ASH1L: variants seen among roughly 807,000 people sequenced by gnomAD.
ASH1L encodes ASH1 like histone lysine methyltransferase.
In ASH1L, 23 loss-of-function variants were observed where a neutral mutation model predicts 269.0. That is an observed-to-expected ratio of 0.09 (90% CI 0.06 to 0.12). The LOEUF (loss-of-function observed/expected upper bound fraction) is 0.12. Ranked by LOEUF, ASH1L falls within the 10% of genes least tolerant of loss-of-function variation. The pLI is 1.00. For missense variants in ASH1L, 2,912 were observed against 3,567.8 expected (o/e 0.82, Z 4.68); for synonymous variants, 1,187 against 1,253.5 (o/e 0.95, Z 1.12).
At position 155,438,433 on chromosome 1, in the gene ASH1L, G is replaced by A. The variant is rs774474607; in HGVS notation, c.5722C>T (p.Pro1908Ser). 6.2e-7 allele frequency: 1 copy of A among 1,613,038 alleles called. No individual in the cohort carries two copies. Among genetic ancestry groups the A allele is most frequent in the Non-Finnish European group, 8.5e-7 (1 of 1,179,776 alleles). ...EAVVQSVNLNPEHKKGLKRKG... is the reference protein window; with the variant it reads ...EAVVQSVNLNSEHKKGLKRKG... ...CTCTTCAACCCCTTTTTATGTTCTG[G>A]GTTCAGATTTACACTCTGAACAACA... Residue 1908 changes from proline (P) to serine (S), a missense_variant, in exon 5 of 28, where the codon CCA (proline) becomes TCA (serine). Pro to Ser is a moderately conservative substitution (Grantham distance 74). Transcript: ENST00000392403.
chr1:155,506,420 G>A (rs2148807664), intron 2 of ASH1L, among the ~76,000 whole-genome samples: 1 of 152,268 alleles, frequency 6.6e-6, no homozygotes, highest in African/African-American at 2.4e-5. Context: ...CATTAGGCTG[G>A]GCACGGTGGC....
Position 155,336,679 on chromosome 1 carries a change from G to A in ASH1L, c.*981C>T, listed in dbSNP as rs1480972149. The A allele has an allele frequency of 6.6e-6, 1 of 152,448 alleles. No homozygotes were observed. Among genetic ancestry groups the A allele is most frequent in the East Asian group, 1.9e-4 (1 of 5,320 alleles). The allele number at this position is 152,448 out of a possible 1,614,324, so 9.4% of individuals were successfully genotyped here. A position where few individuals can be genotyped will look rare whatever the true frequency, so the allele number is the denominator to read the frequency against. On this transcript the variant is annotated 3_prime_UTR_variant, in exon 28 of 28. Transcript: ENST00000392403. ...CTTTAAGAAAGGGACATTGAAAACT[G>A]TACAATTAAGAAAACAAGAGTAGTG...
intron 2 of ASH1L, among the ~76,000 whole-genome samples, chr1:155,484,224 C>T (rs1666144903): frequency 6.6e-6 from 1 of 152,236 alleles, no homozygotes; most frequent in African/African-American, 2.4e-5. Flanking sequence ...CATGGTGGCT[C>T]ACGCCTGTAA....
chr1:155,407,255 T>G (rs1222165988), intron 6 of ASH1L, among the ~76,000 whole-genome samples: 1 of 152,178 alleles, frequency 6.6e-6, no homozygotes, highest in Non-Finnish European at 1.5e-5. Flanking sequence ...TCCTCACCTA[T>G]TAGATTAATA....
Position 155,562,335 on chromosome 1 carries a change from G to A in ASH1L, c.-282C>T, listed in dbSNP as rs1672051309. ...AGAGAGGAGAAGGGAAAGGTGGAAG[G>A]CTAAAGGGGGCAAACTGAGGGGAGG... On this transcript the variant is annotated 5_prime_UTR_variant, in exon 1 of 28. Coordinates refer to ENST00000392403, the MANE Select transcript of ASH1L (RefSeq NM_018489.3). 2.6e-6 allele frequency: 4 copies of A among 1,560,348 alleles called. No individual in the cohort carries two copies. The highest frequency in any genetic ancestry group is 1.1e-5 in the South Asian group (1 of 88,488).
chr1:155,388,715 C>CTTTTTTTTTTTT (rs142537672), intron 7 of ASH1L, among the ~76,000 whole-genome samples: 1 of 131,690 alleles, frequency 7.6e-6, no homozygotes, highest in African/African-American at 3.0e-5. Context: ...AATTGCGATT[C>CTTTTTTTTTTTT]TTTTTTTTTT....
At chr1:155,559,163 G>A (rs1321897425) in intron 1 of ASH1L, among the ~76,000 whole-genome samples, 6 of 151,996 alleles carry the variant, frequency 3.9e-5, no homozygotes, top group Admixed American at 6.6e-5. Flanking sequence ...TTACATAAAC[G>A]CACTGTAGAA....
At chr1:155,504,142 G>C (rs1437989763) in intron 2 of ASH1L, among the ~76,000 whole-genome samples, 1 of 152,190 alleles carries the variant, frequency 6.6e-6, no homozygotes, top group Non-Finnish European at 1.5e-5. Context: ...TTTAGTTTGG[G>C]ATATGGAAAG....
intron 1 of ASH1L, among the ~76,000 whole-genome samples, chr1:155,551,988 GA>G (rs1045777673): frequency 7.3e-5 from 11 of 151,592 alleles, no homozygotes; most frequent in African/African-American, 2.4e-4. Context: ...AAAAGAAAAA[GA>G]ATCTTGCTTG....
intron 1 of ASH1L, among the ~76,000 whole-genome samples, chr1:155,548,529 A>G (rs989387506): frequency 6.6e-6 from 1 of 152,198 alleles, no homozygotes; most frequent in African/African-American, 2.4e-5. Context: ...TATCAAACAA[A>G]AGAGAGATAA....
intron 15 of ASH1L, among the ~76,000 whole-genome samples, 183 bp downstream of exon 15, chr1:155,357,133 T>TAAAA (rs1225525650): frequency 4.5e-5 from 1 of 22,446 alleles, no homozygotes; most frequent in African/African-American, 1.5e-4. Flanking sequence ...GGGTAAGACT[T>TAAAA]AAAAAAAAAA....
At chr1:155,409,049 G>C (rs903158085) in intron 6 of ASH1L, among the ~76,000 whole-genome samples, 1 of 151,818 alleles carries the variant, frequency 6.6e-6, no homozygotes, top group Non-Finnish European at 1.5e-5. Flanking sequence ...TTTTGAGACG[G>C]AGTCTTGCTC....
chr1:155,478,826 C>T lies in ASH1L; in HGVS notation c.4044G>A (p.Lys1348=). 5.0e-6 allele frequency: 8 copies of T among 1,613,890 alleles called. No individual in the cohort carries two copies. Among genetic ancestry groups the T allele is most frequent in the Non-Finnish European group, 6.8e-6 (8 of 1,179,946 alleles). Residue 1348 remains lysine, a synonymous_variant, in exon 3 of 28, where the codon AAG becomes AAA. Transcript: ENST00000392403. The surrounding 1 kb of genome is among the most constrained non-coding windows in gnomAD (Gnocchi z 4.6). ...LHYIRKPDLK[K]KRGRPPKMRE... ...TCATCTTAGGGGGTCTCCCTCTTTT[C>T]TTTTTTAAGTCAGGTTTTCGAATGT...
At position 155,527,835 on chromosome 1, in the gene ASH1L, C is replaced by T. The variant is rs373550992; in HGVS notation, c.-99-6217G>A. ...AGCTGGGATGACAGGCATGAGTCACCGTGCCCAGCTCTGGGACTCCTCTCT... is the reference window on the plus strand; with the variant it reads ...AGCTGGGATGACAGGCATGAGTCACTGTGCCCAGCTCTGGGACTCCTCTCT... On this transcript the variant is annotated intron_variant, in intron 1 of 27. Transcript: ENST00000392403. Among the ~76,000 whole-genome samples the T allele has an allele frequency of 6.6e-5, 10 of 152,174 alleles. No individual in the cohort carries two copies. The South Asian group carries it at 1.9e-3, about 28-fold the overall frequency.
In ASH1L at chr1:155,415,917, A is replaced by C; in HGVS notation, c.5835T>G (p.Asn1945Lys). Residue 1945 changes from asparagine (N) to lysine (K), a missense_variant, in exon 6 of 28, where the codon AAT becomes AAG. This residue lies in a region of ASH1L where 789 missense variants were observed against 897.6 expected (regional missense o/e 0.88). Transcript: ENST00000392403. ...GACTGGGAATCTCAACTGGTGCTTC[A>C]TTAAAGCTAGAAAGAGAAGTTTAAA... Reference protein sequence around the residue: ...EEEQENNKSFNEAPVEIPSPS... With the variant: ...EEEQENNKSFKEAPVEIPSPS... 6.5e-7 allele frequency: 1 copy of C among 1,543,746 alleles called. No homozygotes were observed. The highest frequency in any genetic ancestry group is 1.3e-5 in the South Asian group (1 of 78,374).
At chr1:155,548,207 C>G (rs952364622) in intron 1 of ASH1L, among the ~76,000 whole-genome samples, 7 of 152,100 alleles carry the variant, frequency 4.6e-5, no homozygotes, top group African/African-American at 1.7e-4. Flanking sequence ...GGACGAGTAA[C>G]TAACGCATGT....
intron 4 of ASH1L, among the ~76,000 whole-genome samples, chr1:155,444,023 A>C (rs1324147402): frequency 7.9e-6 from 1 of 125,794 alleles, no homozygotes; most frequent in Non-Finnish European, 1.5e-5. Flanking sequence ...TCGCTCTGTC[A>C]CTCAGGCTGG....
chr1:155,342,211 A>G (rs1001895243), intron 24 of ASH1L, 109 bp from the exon 25 acceptor site: 24 of 998,090 alleles, frequency 2.4e-5, no homozygotes, highest in Admixed American at 4.0e-5. Flanking sequence ...TTAAAACCCT[A>G]CATGGTAGCT....
At chr1:155,535,173 T>C (rs967806348) in intron 1 of ASH1L, among the ~76,000 whole-genome samples, 1 of 141,684 alleles carries the variant, frequency 7.1e-6, no homozygotes, top group African/African-American at 2.6e-5. Flanking sequence ...TGGGCAACAA[T>C]AGTAAAACTC....
Sources: gnomAD v4.1 joint callset for allele counts (sites outside exome capture counted in the v4.1 genomes callset) on GRCh38, gnomAD v4.1.1 for gene constraint, gnomAD v4.1.1 regional missense constraint, Gnocchi (gnomAD v3.1) non-coding constraint, MANE v1.5 for transcripts, NCBI Gene and HGNC (gene_info 2026-07-23, HGNC 2026-07-21) for gene names.